WWC2: variants seen among roughly 807,000 people sequenced by gnomAD.
WWC2 encodes the protein protein WWC2.
WWC2 carries 101 observed loss-of-function variants against 138.5 expected under a neutral mutation model. The ratio of observed to expected loss-of-function variants is 0.73; its 90% CI spans 0.62 to 0.86. The LOEUF (loss-of-function observed/expected upper bound fraction) is 0.86, where lower values mean the gene tolerates loss of function less well. Among genes scored for constraint, WWC2 ranks in the 40% least tolerant of loss-of-function variants. The pLI, the probability that WWC2 is intolerant of heterozygous loss-of-function variation, is 0.00. For synonymous variants in WWC2, 558 were observed against 538.4 expected (o/e 1.04, Z -0.50); for missense variants, 1,420 against 1,419.4 (o/e 1.00, Z -0.01).
intron 1 of WWC2, among the ~76,000 whole-genome samples, chr4:183,188,058 A>G (rs1440679470): frequency 1.3e-5 from 2 of 152,242 alleles, no homozygotes; most frequent in Non-Finnish European, 1.5e-5. Context: ...AATGATTTTC[A>G]AAATATTGAG....
intron 5 of WWC2, 163 bp downstream of exon 5, chr4:183,240,425 T>TA (rs1225826155): frequency 3.9e-6 from 2 of 516,350 alleles, no homozygotes; most frequent in South Asian, 4.1e-5. Flanking sequence ...AACCAACAGA[T>TA]AAAAAAACTT....
At chr4:183,295,402 T>C (rs1738600189) in intron 21 of WWC2, among the ~76,000 whole-genome samples, 1 of 152,212 alleles carries the variant, frequency 6.6e-6, no homozygotes, top group Non-Finnish European at 1.5e-5. Context: ...ACCCTGGGGC[T>C]TACTGGTGAA....
intron 16 of WWC2, among the ~76,000 whole-genome samples, chr4:183,272,649 A>G (rs1447776993): frequency 3.3e-5 from 5 of 152,302 alleles, no homozygotes; most frequent in East Asian, 1.9e-4. Flanking sequence ...CTACAAGGCA[A>G]CCACTCATCC....
At chr4:183,173,503 GC>G (rs1290414422) in intron 1 of WWC2, among the ~76,000 whole-genome samples, 2 of 151,960 alleles carry the variant, frequency 1.3e-5, no homozygotes, top group African/African-American at 2.4e-5. Flanking sequence ...AGTATTCTTA[GC>G]TTTTGCGTTT....
chr4:183,177,264 G>A (rs993529925), intron 1 of WWC2, among the ~76,000 whole-genome samples: 3 of 152,130 alleles, frequency 2.0e-5, no homozygotes, highest in African/African-American at 4.8e-5. Context: ...CTTCTAGCTC[G>A]TATTACATTG....
rs1449367372 is a variant in WWC2 at position 183,320,181 on chromosome 4, C to T, written c.*4452C>T. 1.1e-5 allele frequency: 17 copies of T among 1,613,996 alleles called. No homozygotes were observed. Among genetic ancestry groups the T allele is most frequent in the Non-Finnish European group, 1.4e-5 (17 of 1,180,018 alleles). On this transcript the variant is annotated 3_prime_UTR_variant, in exon 23 of 23. Coordinates refer to ENST00000403733, the MANE Select transcript of WWC2 (RefSeq NM_024949.6). ...CCATCCCAGCAAAGATAATGAAACT[C>T]CAGCTAGTTGAGCTACAGTTCTAAA...
chr4:183,142,098 G>A (rs757243287), intron 1 of WWC2, among the ~76,000 whole-genome samples: 3 of 152,156 alleles, frequency 2.0e-5, no homozygotes, highest in Non-Finnish European at 2.9e-5. Context: ...GGAGAGCATG[G>A]GCATTCGTCA....
intron 1 of WWC2, among the ~76,000 whole-genome samples, chr4:183,181,968 C>T (rs757664398): frequency 6.6e-6 from 1 of 152,012 alleles, no homozygotes; most frequent in Non-Finnish European, 1.5e-5. Context: ...TTGAAAACTA[C>T]AGTATACATA....
intron 22 of WWC2, among the ~76,000 whole-genome samples, chr4:183,313,018 G>A (rs902058647): frequency 6.6e-6 from 1 of 152,142 alleles, no homozygotes; most frequent in African/African-American, 2.4e-5. Context: ...TGGGGCAGGT[G>A]CTGGGGCTGC....
chr4:183,274,573 G>A (rs1039434177), intron 16 of WWC2, among the ~76,000 whole-genome samples: 8 of 152,174 alleles, frequency 5.3e-5, no homozygotes, highest in East Asian at 1.9e-4. Flanking sequence ...ATCAGTATGC[G>A]ACTTCTTTTG....
chr4:183,227,401 C>T (rs976432241), intron 4 of WWC2, among the ~76,000 whole-genome samples: 4 of 152,124 alleles, frequency 2.6e-5, no homozygotes, highest in East Asian at 3.9e-4. Context: ...AAAGTATGAA[C>T]GCATAGCCCA....
chr4:183,314,722 T>G (rs1264213278), intron 22 of WWC2, among the ~76,000 whole-genome samples: 1 of 152,252 alleles, frequency 6.6e-6, no homozygotes, highest in Non-Finnish European at 1.5e-5. Flanking sequence ...CAGCTGCGCC[T>G]TAAGGCCTCC....
rs543333078 is a variant in WWC2 at position 183,237,913 on chromosome 4, GTC to G, written c.523-2266_523-2265del. 8.1e-4 allele frequency among the ~76,000 whole-genome samples: 123 copies of G among 151,594 alleles called. 1 individual carries two copies. Among genetic ancestry groups the G allele is most frequent in the African/African-American group, 2.8e-3 (117 of 41,286 alleles). On this transcript the variant is annotated intron_variant, in intron 4 of 22. Coordinates refer to ENST00000403733, the MANE Select transcript of WWC2 (RefSeq NM_024949.6). ...TTGCCACTACTTCACAGTGTATTTT[GTC>G]TCTGTCTCTAGTAGACATGTGAATA...
intron 21 of WWC2, among the ~76,000 whole-genome samples, chr4:183,295,545 A>C (rs1738604105): frequency 6.6e-6 from 1 of 152,218 alleles, no homozygotes; most frequent in Non-Finnish European, 1.5e-5. Flanking sequence ...TGCCTTGGTG[A>C]CGCTGGGACC....
chr4:183,134,262 CATT>C (rs746441594), intron 1 of WWC2, among the ~76,000 whole-genome samples: 2 of 150,428 alleles, frequency 1.3e-5, no homozygotes, highest in Non-Finnish European at 3.0e-5. Context: ...CATTCTGTTT[CATT>C]ATTTTCTGTG....
At chr4:183,200,573 G>GT (rs1415852751) in intron 2 of WWC2, among the ~76,000 whole-genome samples, 2 of 152,146 alleles carry the variant, frequency 1.3e-5, no homozygotes. Context: ...CTCTGTGGTA[G>GT]TTTGCAATCA....
intron 2 of WWC2, among the ~76,000 whole-genome samples, chr4:183,198,327 C>T (rs574045383): frequency 3.9e-5 from 6 of 152,138 alleles, no homozygotes; most frequent in East Asian, 1.9e-4. Flanking sequence ...AATCTTCTGA[C>T]GTGTATCCTT....
At chr4:183,175,922 A>T (rs1318161657) in intron 1 of WWC2, among the ~76,000 whole-genome samples, 2 of 152,244 alleles carry the variant, frequency 1.3e-5, no homozygotes. Flanking sequence ...GTGATGAAGA[A>T]CTATATTTAG....
intron 1 of WWC2, among the ~76,000 whole-genome samples, chr4:183,155,056 G>A (rs1733759263): frequency 6.6e-6 from 1 of 152,190 alleles, no homozygotes; most frequent in Non-Finnish European, 1.5e-5. Flanking sequence ...ATGAGAGGAA[G>A]GAGGGACATT....
Sources: gnomAD v4.1 joint callset for allele counts (sites outside exome capture counted in the v4.1 genomes callset) on GRCh38, gnomAD v4.1.1 for gene constraint, MANE v1.5 for transcripts, NCBI Gene and HGNC (gene_info 2026-07-23, HGNC 2026-07-21) for gene names.